PTPRN2: variants seen among roughly 807,000 people sequenced by gnomAD.
PTPRN2 encodes receptor-type tyrosine-protein phosphatase N2.
In PTPRN2, 74 loss-of-function variants were observed where a neutral mutation model predicts 118.8. The observed-to-expected ratio is 0.62, with a 90% CI of 0.52 to 0.76. The LOEUF is 0.76. Among genes scored for constraint, PTPRN2 ranks in the 30% least tolerant of loss-of-function variants. PTPRN2 has a pLI of 0.00. For synonymous variants in PTPRN2, 641 were observed against 608.0 expected (o/e 1.05, Z -0.80); for missense variants, 1,481 against 1,394.4 (o/e 1.06, Z -0.99).
At chr7:158,051,470 C>T (rs1809321560) in intron 11 of PTPRN2, among the ~76,000 whole-genome samples, 1 of 152,224 alleles carries the variant, frequency 6.6e-6, no homozygotes, top group Admixed American at 6.5e-5. Context: ...CACATACCCT[C>T]CCTGTGTCAG....
chr7:158,498,445 T>G (rs552220435), intron 1 of PTPRN2, among the ~76,000 whole-genome samples: 2 of 152,250 alleles, frequency 1.3e-5, no homozygotes, highest in Non-Finnish European at 2.9e-5. Flanking sequence ...AGTTACTTTT[T>G]GGGAACCGCG....
intron 1 of PTPRN2, among the ~76,000 whole-genome samples, chr7:158,547,899 A>G (rs1217854176): frequency 6.6e-6 from 1 of 152,194 alleles, no homozygotes; most frequent in Non-Finnish European, 1.5e-5. Context: ...AACTGTGAAG[A>G]TTAATCAAAA....
intron 6 of PTPRN2, among the ~76,000 whole-genome samples, chr7:158,140,700 T>C (rs750105320): frequency 6.6e-6 from 1 of 152,182 alleles, no homozygotes; most frequent in Non-Finnish European, 1.5e-5. Flanking sequence ...GGAGGAAGCG[T>C]CGGGTGTGAG....
intron 2 of PTPRN2, among the ~76,000 whole-genome samples, chr7:158,415,714 G>T (rs578157282): frequency 1.4e-4 from 22 of 152,026 alleles, no homozygotes; most frequent in Non-Finnish European, 1.5e-4. Flanking sequence ...CCTCGTCAAA[G>T]ACCCTCAATG....
chr7:158,299,580 G>A (rs1275326550), intron 3 of PTPRN2, among the ~76,000 whole-genome samples: 2 of 152,210 alleles, frequency 1.3e-5, no homozygotes, highest in Admixed American at 1.3e-4. Context: ...ACATGTGTGA[G>A]CCACCACGCC....
chr7:158,166,768 C>T (rs1282606013), intron 6 of PTPRN2, among the ~76,000 whole-genome samples, 163 bp downstream of exon 6: 1 of 152,210 alleles, frequency 6.6e-6, no homozygotes, highest in East Asian at 1.9e-4. Flanking sequence ...GTATGAGGGC[C>T]GAAGGGACCC....
At chr7:158,205,061 AG>A in intron 4 of PTPRN2, 109 bp downstream of exon 4, 1 of 942,830 alleles carries the variant, frequency 1.1e-6, no homozygotes, top group Non-Finnish European at 1.6e-6. Flanking sequence ...TGCACCAGAA[AG>A]ATGGTGGGTG....
intron 17 of PTPRN2, among the ~76,000 whole-genome samples, chr7:157,589,430 G>C (rs1800862720): frequency 6.6e-6 from 1 of 152,246 alleles, no homozygotes; most frequent in African/African-American, 2.4e-5. Flanking sequence ...AGGCGTCTTT[G>C]CAGATTAAAA....
intron 11 of PTPRN2, among the ~76,000 whole-genome samples, chr7:158,071,297 CGTGGTGGAGGTG>C (rs1811493276): frequency 1.6e-5 from 1 of 60,644 alleles, no homozygotes. Flanking sequence ...TGGAGGTGCT[CGTGGTGGAGGTG>C]CCCATGGTAG....
rs370583918 is a variant in PTPRN2 at position 158,149,420 on chromosome 7, A to C, written c.911-10905T>G. On this transcript the variant is annotated intron_variant, in intron 6 of 22. Coordinates refer to ENST00000389418, the MANE Select transcript of PTPRN2 (RefSeq NM_002847.5). ...ACTCTTAAAACATAAAATGTATAAG[A>C]TGTTACCTTTTCTCAAGAGGTAAAA... is the stretch of plus-strand genomic sequence containing the variant. 3.3e-5 allele frequency among the ~76,000 whole-genome samples: 5 copies of C among 151,206 alleles called. No homozygotes were observed. In the Admixed American group the frequency reaches 3.3e-4, roughly 10 times the overall value.
intron 11 of PTPRN2, among the ~76,000 whole-genome samples, chr7:157,962,898 G>T (rs1392605878): frequency 6.6e-6 from 1 of 152,216 alleles, no homozygotes; most frequent in Non-Finnish European, 1.5e-5. Context: ...ATAACCTTGA[G>T]CAAGGTAGTC....
intron 2 of PTPRN2, among the ~76,000 whole-genome samples, chr7:158,473,588 G>C (rs114349115): frequency 6.6e-6 from 1 of 152,238 alleles, no homozygotes; most frequent in African/African-American, 2.4e-5. Flanking sequence ...AAGGTTTCCC[G>C]GCTCTCTGAG....
intron 12 of PTPRN2, among the ~76,000 whole-genome samples, chr7:157,726,003 G>A (rs1165956014): frequency 2.1e-5 from 3 of 141,340 alleles, no homozygotes; most frequent in African/African-American, 8.1e-5. Flanking sequence ...CCTCCCAGGA[G>A]AACTGGATAT....
intron 3 of PTPRN2, among the ~76,000 whole-genome samples, chr7:158,234,441 A>G (rs1829386743): frequency 6.6e-6 from 1 of 152,248 alleles, no homozygotes; most frequent in Non-Finnish European, 1.5e-5. Context: ...AGATATAGTC[A>G]TCAAATAAAA....
intron 11 of PTPRN2, among the ~76,000 whole-genome samples, chr7:157,966,912 C>G (rs890494267): frequency 6.6e-6 from 1 of 152,206 alleles, no homozygotes; most frequent in Non-Finnish European, 1.5e-5. Flanking sequence ...TTCATCACCA[C>G]TCTCATCATC....
At chr7:158,049,767 G>T (rs1245497437) in intron 11 of PTPRN2, among the ~76,000 whole-genome samples, 1 of 152,182 alleles carries the variant, frequency 6.6e-6, no homozygotes, top group African/African-American at 2.4e-5. Flanking sequence ...GCCAGGCGTG[G>T]TGGCGGGCAC....
At chr7:158,491,915 G>A (rs959190311) in intron 1 of PTPRN2, among the ~76,000 whole-genome samples, 32 of 152,332 alleles carry the variant, frequency 2.1e-4, no homozygotes, top group Middle Eastern at 6.8e-3. Context: ...CTACAGGAGC[G>A]TGGCAGGGAA....
intron 12 of PTPRN2, among the ~76,000 whole-genome samples, chr7:157,866,833 C>CGT (rs1810713714): frequency 8.5e-6 from 1 of 118,284 alleles, no homozygotes; most frequent in Non-Finnish European, 1.8e-5. Flanking sequence ...CACCACCGCC[C>CGT]CCCCCCGACG....
rs1802728772 is a variant in PTPRN2 at position 157,615,729 on chromosome 7, G to A, written c.2344+5633C>T. ...GAGAGGGAGGTGACGCAGTGACTCA[G>A]GAACCACAAGCTCTGGAGGCTGAAC... is the stretch of plus-strand genomic sequence containing the variant. On this transcript the variant is annotated intron_variant, in intron 15 of 22. Transcript: ENST00000389418. The surrounding 1 kb of genome is among the most constrained non-coding windows in gnomAD (Gnocchi z 4.3). 1 of 408,170 alleles carries A rather than the reference G, an allele frequency of 2.4e-6. No individual in the cohort carries two copies. The allele number at this position is 408,170 out of a possible 1,614,324, so 25.3% of individuals were successfully genotyped here.
Sources: allele counts gnomAD v4.1 joint callset (sites outside exome capture counted in the v4.1 genomes callset), GRCh38; gene constraint gnomAD v4.1.1; non-coding constraint Gnocchi (gnomAD v3.1); transcripts MANE v1.5; gene names NCBI Gene and HGNC (gene_info 2026-07-23, HGNC 2026-07-21).